The following AGMO variants were observed in gnomAD, a reference collection of about 807,000 sequenced individuals.
The protein encoded by AGMO is alkylglycerol monooxygenase, also known as glyceryl-ether monooxygenase.
AGMO carries 75 observed loss-of-function variants against 60.2 expected under a neutral mutation model. That is an observed-to-expected ratio of 1.25 (90% CI 1.03 to 1.51). The LOEUF is 1.51. Ranked by LOEUF, AGMO falls within the 40% of genes most tolerant of loss-of-function variation. The probability of loss-of-function intolerance (pLI) is 0.00; values close to 1 mark genes in which losing one functional copy is unlikely to be tolerated. For synonymous variants in AGMO, 261 were observed against 177.1 expected, an observed-to-expected ratio of 1.47 and a Z score of -3.76; for missense variants, 763 against 525.5, an observed-to-expected ratio of 1.45 and a Z score of -4.42.
chr7:15,520,168 C>G (rs1011763783), intron 3 of AGMO, among the ~76,000 whole-genome samples: 1 of 152,012 alleles, frequency 6.6e-6, no homozygotes, highest in African/African-American at 2.4e-5. Context: ...TATATATGCA[C>G]CCAATACAGG....
the AGMO span, among the ~76,000 whole-genome samples, chr7:15,194,499 G>A: frequency 2.0e-4 from 31 of 152,088 alleles, no homozygotes; most frequent in African/African-American, 7.5e-4. Flanking sequence ...CTTTGAGCAT[G>A]AATATCTTAA....
chr7:15,309,373 A>C (rs897108669), intron 12 of AGMO, among the ~76,000 whole-genome samples: 3 of 152,126 alleles, frequency 2.0e-5, no homozygotes, highest in African/African-American at 7.2e-5. Context: ...CATTCTTAAC[A>C]GCTCTCTGTG....
chr7:15,356,151 A>C (rs540810840), intron 12 of AGMO, among the ~76,000 whole-genome samples: 1 of 152,208 alleles, frequency 6.6e-6, no homozygotes, highest in Non-Finnish European at 1.5e-5. Context: ...GGCATCAGCT[A>C]AAGAATTTAA....
Position 15,387,384 on chromosome 7 carries a change from C to A in AGMO, c.957+22G>T, listed in dbSNP as rs746417125. 3.7e-6 allele frequency: 6 copies of A among 1,608,438 alleles called. No homozygotes were observed. The African/African-American group carries it at 8.0e-5, about 22-fold the overall frequency. On this transcript the variant is annotated intron_variant, in intron 9 of 12. Coordinates refer to ENST00000342526, the MANE Select transcript of AGMO (RefSeq NM_001004320.2). ...AATATGAGACAATCTTCACCATCTC[C>A]AATTCTGTGAACTCTATTTACCTCT...
At chr7:15,414,124 C>G (rs982853215) in intron 5 of AGMO, among the ~76,000 whole-genome samples, 5 of 152,016 alleles carry the variant, frequency 3.3e-5, no homozygotes, top group African/African-American at 7.2e-5. Context: ...TCTCCTGCCT[C>G]AGCCTCCCAG....
chr7:15,225,658 T>G (rs1782058020), intron 12 of AGMO, among the ~76,000 whole-genome samples: 1 of 152,088 alleles, frequency 6.6e-6, no homozygotes, highest in Non-Finnish European at 1.5e-5. Context: ...GCTGTTAATA[T>G]TATTGAGCTT....
chr7:15,416,906 C>T (rs967359793), intron 5 of AGMO, among the ~76,000 whole-genome samples: 12 of 152,166 alleles, frequency 7.9e-5, no homozygotes, highest in African/African-American at 2.7e-4. Context: ...TAATACTCCT[C>T]CCACTCCAGT....
At chr7:15,202,477 A>AAAC in intron 12 of AGMO, among the ~76,000 whole-genome samples, 1 of 144,064 alleles carries the variant, frequency 6.9e-6, no homozygotes, top group African/African-American at 2.7e-5. Flanking sequence ...AAAAAAAAAA[A>AAAC]AAAAAAAAAA....
At chr7:15,531,960 C>A (rs932700046) in intron 3 of AGMO, among the ~76,000 whole-genome samples, 1 of 151,998 alleles carries the variant, frequency 6.6e-6, no homozygotes, top group Non-Finnish European at 1.5e-5. Context: ...TGAGCCACCA[C>A]CCCTGGCCCA....
the AGMO span, among the ~76,000 whole-genome samples, chr7:15,144,816 CTTTT>C: frequency 6.6e-6 from 1 of 152,002 alleles, no homozygotes; most frequent in African/African-American, 2.4e-5. Flanking sequence ...CGTAACTTTT[CTTTT>C]TGTTTGTTTG....
At chr7:15,433,554 T>C (rs1781317202) in intron 3 of AGMO, among the ~76,000 whole-genome samples, 1 of 152,126 alleles carries the variant, frequency 6.6e-6, no homozygotes, top group African/African-American at 2.4e-5. Context: ...CAGTAGTTCT[T>C]TTGTGAACAA....
chr7:15,205,394 A>G (rs1055184696), intron 12 of AGMO, among the ~76,000 whole-genome samples: 1 of 151,210 alleles, frequency 6.6e-6, no homozygotes, highest in Non-Finnish European at 1.5e-5. Context: ...GAGAAAAAAA[A>G]TCTCTGAAAT....
chr7:15,511,623 A>G (rs755203348), intron 3 of AGMO, among the ~76,000 whole-genome samples: 8 of 152,154 alleles, frequency 5.3e-5, no homozygotes, highest in Admixed American at 2.0e-4. Context: ...TGCTAAGAGA[A>G]TAGATCTTAA....
At chr7:15,342,031 A>T (rs1043820673) in intron 12 of AGMO, among the ~76,000 whole-genome samples, 1 of 152,008 alleles carries the variant, frequency 6.6e-6, no homozygotes, top group African/African-American at 2.4e-5. Flanking sequence ...GCATATCTGT[A>T]TCTCGCCATG....
chr7:15,299,881 ACACAC>A (rs1563075569), intron 12 of AGMO, among the ~76,000 whole-genome samples: 7,191 of 124,924 alleles, frequency 0.058, 478 homozygotes, highest in Admixed American at 0.12. Context: ...ACACACACAC[ACACAC>A]AGTATGTTTT....
chr7:15,140,412 A>C, the AGMO span, among the ~76,000 whole-genome samples: 1 of 151,102 alleles, frequency 6.6e-6, no homozygotes, highest in Non-Finnish European at 1.5e-5. Flanking sequence ...AGCATAAGTT[A>C]TTTTTACCTT....
intron 10 of AGMO, among the ~76,000 whole-genome samples, chr7:15,371,427 G>C (rs1471616278): frequency 6.7e-6 from 1 of 150,188 alleles, no homozygotes; most frequent in Non-Finnish European, 1.5e-5. Context: ...TTTCGTTCTT[G>C]TTGCCCAGGC....
intron 3 of AGMO, among the ~76,000 whole-genome samples, chr7:15,465,439 T>C (rs1021077146): frequency 3.3e-5 from 5 of 151,092 alleles, no homozygotes; most frequent in African/African-American, 1.2e-4. Context: ...GTGAATTTTT[T>C]TGAGACAAGA....
the AGMO span, among the ~76,000 whole-genome samples, chr7:15,127,251 C>T: frequency 2.0e-5 from 3 of 152,114 alleles, no homozygotes; most frequent in Non-Finnish European, 4.4e-5. Context: ...CAGAATTAAT[C>T]TCTAAAATAT....
Sources: allele counts gnomAD v4.1 joint callset (sites outside exome capture counted in the v4.1 genomes callset), GRCh38; gene constraint gnomAD v4.1.1; transcripts MANE v1.5; gene names NCBI Gene and HGNC (gene_info 2026-07-23, HGNC 2026-07-21).